The following PIP4K2B variants were observed in gnomAD, a reference collection of about 807,000 sequenced individuals.
PIP4K2B encodes the protein phosphatidylinositol 5-phosphate 4-kinase type-2 beta.
PIP4K2B carries 3 observed loss-of-function variants against 42.0 expected under a neutral mutation model. The ratio of observed to expected loss-of-function variants is 0.07; its 90% CI spans 0.03 to 0.18. The LOEUF is 0.18. PIP4K2B is among the 10% of genes least tolerant of loss of function. The probability of loss-of-function intolerance (pLI) is 1.00; values close to 1 mark genes in which losing one functional copy is unlikely to be tolerated. For missense variants in PIP4K2B, 332 were observed against 562.3 expected (o/e 0.59, Z 4.14); for synonymous variants, 204 against 210.1 (o/e 0.97, Z 0.25).
intron 5 of PIP4K2B, 90 bp from the exon 6 acceptor site, chr17:38,778,462 T>A: frequency 8.5e-7 from 1 of 1,169,670 alleles, no homozygotes; most frequent in Non-Finnish European, 1.3e-6. Flanking sequence ...TGAACTCAAG[T>A]AGGCTTGTTA....
chr17:38,798,981 T>TAAAG (rs1910802891), intron 1 of PIP4K2B, among the ~76,000 whole-genome samples: 1 of 152,092 alleles, frequency 6.6e-6, no homozygotes, highest in African/African-American at 2.4e-5. Flanking sequence ...GCCTTGCCTT[T>TAAAG]GCGCTCCATG....
At chr17:38,791,406 ATTTTT>A (rs58027566) in intron 1 of PIP4K2B, among the ~76,000 whole-genome samples, 12 of 91,154 alleles carry the variant, frequency 1.3e-4, no homozygotes, top group Admixed American at 2.6e-4. Flanking sequence ...CAGACTGCCA[ATTTTT>A]TTTTTTTTTT....
chr17:38,787,678 C>G (rs1910109114), intron 1 of PIP4K2B, among the ~76,000 whole-genome samples: 3 of 152,192 alleles, frequency 2.0e-5, no homozygotes, highest in Admixed American at 2.0e-4. Flanking sequence ...ACTGCAATCT[C>G]CACCTCCTGG....
chr17:38,795,700 G>A (rs1361358159), intron 1 of PIP4K2B, among the ~76,000 whole-genome samples: 1 of 151,360 alleles, frequency 6.6e-6, no homozygotes, highest in African/African-American at 2.4e-5. Flanking sequence ...ACAGTGAACT[G>A]AGATTGTGGC....
At chr17:38,788,221 G>A (rs536210564) in intron 1 of PIP4K2B, among the ~76,000 whole-genome samples, 7 of 139,122 alleles carry the variant, frequency 5.0e-5, no homozygotes, top group Non-Finnish European at 7.8e-5. Context: ...TTTATTTATA[G>A]ACAGAGTCTC....
intron 4 of PIP4K2B, 84 bp downstream of exon 4, chr17:38,780,368 A>G: frequency 7.9e-7 from 1 of 1,267,206 alleles, no homozygotes; most frequent in East Asian, 2.4e-5. Flanking sequence ...GAGAGGACCA[A>G]CCCCTCCCTA....
intron 7 of PIP4K2B, among the ~76,000 whole-genome samples, chr17:38,774,988 C>CA (rs1453555698): frequency 4.0e-5 from 6 of 151,642 alleles, no homozygotes; most frequent in Admixed American, 1.3e-4. Flanking sequence ...CTCGTTCTGT[C>CA]GCCCAGGCTG....
At position 38,780,525 on chromosome 17, in the gene PIP4K2B, C is replaced by T. The variant is rs767605525; in HGVS notation, c.434G>A (p.Arg145Gln). ...GGACACAGTCTTGATGACAAAGCGCCGGTCGTAGGTGGTGAGGAAACGCGT... is the reference window on the plus strand; with the variant it reads ...GGACACAGTCTTGATGACAAAGCGCTGGTCGTAGGTGGTGAGGAAACGCGT... ...CGTRFLTTYD[R>Q]RFVIKTVSSE... The change falls in exon 4 of 10, where the codon CGG becomes CAG. Residue 145 changes from arginine (R) to glutamine (Q), a missense_variant. By Grantham distance (43) the Arg-to-Gln change is conservative. Around this residue, in one of 6 missense-constraint regions of PIP4K2B, gnomAD observed 186 missense variants for 288.4 expected, o/e 0.64. Transcript: ENST00000619039. The T allele has an allele frequency of 2.3e-5, 37 of 1,613,900 alleles. No individual in the cohort carries two copies. In the East Asian group the frequency reaches 2.7e-4, roughly 12 times the overall value.
intron 7 of PIP4K2B, among the ~76,000 whole-genome samples, chr17:38,774,244 T>C (rs1476416607): frequency 6.6e-6 from 1 of 152,096 alleles, no homozygotes; most frequent in Non-Finnish European, 1.5e-5. Context: ...ATTGAACTGG[T>C]GGACTGAGTA....
chr17:38,779,500 A>G lies in PIP4K2B; in HGVS notation c.537T>C (p.Leu179=). ...GGTACATGCCCAGGAACTGTGGCAA[A>G]AGCGTGTTGCCATGACACTCCACTA... The part of the protein sequence containing the change: ...QFIVECHGNT[L]LPQFLGMYRL... The change falls in exon 5 of 10, where the codon CTT becomes CTC. Residue 179 remains leucine, a synonymous_variant. Coordinates refer to ENST00000619039, the MANE Select transcript of PIP4K2B (RefSeq NM_003559.5). The G allele has an allele frequency of 6.2e-7, 1 of 1,614,004 alleles. No homozygotes were observed. The highest frequency in any genetic ancestry group is 8.5e-7 in the Non-Finnish European group (1 of 1,179,842).
chr17:38,786,561 T>C (rs11657530), intron 2 of PIP4K2B, among the ~76,000 whole-genome samples: 64,108 of 152,104 alleles, frequency 0.42, 15,666 homozygotes, highest in Middle Eastern at 0.58. Flanking sequence ...GAGCTGGCTC[T>C]AGATGAATCA....
chr17:38,770,983 C>A, intron 8 of PIP4K2B, 31 bp downstream of exon 8: 1 of 1,612,704 alleles, frequency 6.2e-7, no homozygotes, highest in Non-Finnish European at 8.5e-7. Context: ...GAGGGCAGGG[C>A]TGTGCAGAGC....
At chr17:38,790,618 CCTG>C (rs1315137583) in intron 1 of PIP4K2B, among the ~76,000 whole-genome samples, 1 of 152,248 alleles carries the variant, frequency 6.6e-6, no homozygotes, top group African/African-American at 2.4e-5. Flanking sequence ...GTCACCATGC[CCTG>C]CTAATTTTTG....
intron 7 of PIP4K2B, among the ~76,000 whole-genome samples, chr17:38,774,619 A>AAT (rs1909217883): frequency 6.6e-6 from 1 of 151,876 alleles, no homozygotes. Context: ...ATACAAAAAA[A>AAT]ACTAGCTGGG....
chr17:38,793,642 G>T (rs919313948), intron 1 of PIP4K2B, among the ~76,000 whole-genome samples: 4 of 152,276 alleles, frequency 2.6e-5, no homozygotes, highest in Middle Eastern at 3.4e-3. Context: ...AGACCGAGGT[G>T]GGCAAATCGC....
chr17:38,778,345 C>G lies in PIP4K2B; in HGVS notation c.682G>C (p.Asp228His). 1 of 1,614,078 alleles carries G rather than the reference C, an allele frequency of 6.2e-7. No individual in the cohort carries two copies. Among genetic ancestry groups the G allele is most frequent in the Non-Finnish European group, 8.5e-7 (1 of 1,179,976 alleles). ...KGSTVAREAS[D>H]KEKAKDLPTF... is the part of the protein sequence containing the mutation. ...CAGCACCAGCATACCTTCTCCTTGT[C>G]GCTCGCTTCTCTGGCAACCGTAGAA... The change falls in exon 6 of 10, where the codon GAC becomes CAC. Residue 228 changes from aspartate (D) to histidine (H), a missense_variant. Asp to His is a moderately conservative substitution (Grantham distance 81, BLOSUM62 -1). This residue lies in a region of PIP4K2B where 16 missense variants were observed against 57.0 expected (regional missense o/e 0.28). Coordinates refer to ENST00000619039, the MANE Select transcript of PIP4K2B (RefSeq NM_003559.5).
At chr17:38,781,511 GA>G (rs1271768467) in intron 3 of PIP4K2B, among the ~76,000 whole-genome samples, 10 of 152,126 alleles carry the variant, frequency 6.6e-5, no homozygotes, top group African/African-American at 2.4e-4. Flanking sequence ...ATCTCTTAAT[GA>G]GGATCCTGTT....
rs1908808742 is a variant in PIP4K2B at position 38,768,236 on chromosome 17, A to C, written c.*1455T>G. 6.6e-6 allele frequency: 1 copy of C among 152,300 alleles called. No homozygotes were observed. The highest frequency in any genetic ancestry group is 1.5e-5 in the Non-Finnish European group (1 of 68,072). 9.4% of individuals were successfully genotyped at this position (152,300 alleles called of 1,614,324 possible). A position where few individuals can be genotyped will look rare whatever the true frequency, so the allele number is the denominator to read the frequency against. Reference sequence around the variant, plus strand: ...GAAGATGCAGGAATGTACCTCCCCCAATGCAGAACAACAGAGCTGTTTCTC... The same window carrying C: ...GAAGATGCAGGAATGTACCTCCCCCCATGCAGAACAACAGAGCTGTTTCTC... On this transcript the variant is annotated 3_prime_UTR_variant, in exon 10 of 10. Coordinates refer to ENST00000619039, the MANE Select transcript of PIP4K2B (RefSeq NM_003559.5).
intron 7 of PIP4K2B, among the ~76,000 whole-genome samples, chr17:38,777,331 T>C (rs1485186806): frequency 6.6e-6 from 1 of 152,146 alleles, no homozygotes; most frequent in Non-Finnish European, 1.5e-5. Flanking sequence ...TCCCAAAATG[T>C]TGGGGTTACA....
Sources: allele counts gnomAD v4.1 joint callset (sites outside exome capture counted in the v4.1 genomes callset), GRCh38; gene constraint gnomAD v4.1.1; regional missense constraint gnomAD v4.1.1; transcripts MANE v1.5; gene names NCBI Gene and HGNC (gene_info 2026-07-23, HGNC 2026-07-21).